Variants in GAK observed in about 807,000 individuals in gnomAD.
GAK encodes the protein cyclin-G-associated kinase.
A neutral mutation model predicts 143.9 loss-of-function variants in GAK; 79 were observed. That is an observed-to-expected ratio of 0.55 (90% CI 0.46 to 0.66). The LOEUF is 0.66. Ranked by LOEUF, GAK falls within the 30% of genes least tolerant of loss-of-function variation. The pLI is 0.00. For missense variants in GAK, 1,693 were observed against 1,779.7 expected, an observed-to-expected ratio of 0.95 and a Z score of 0.88; for synonymous variants, 881 against 765.5, an observed-to-expected ratio of 1.15 and a Z score of -2.49.
chr4:856,525 TCAC>T lies in GAK; in HGVS notation c.3283+3078_3283+3080del, dbSNP rs756370384. On this transcript the variant is annotated intron_variant, in intron 24 of 27. Transcript: ENST00000314167. ...CACCACCACAGCTGCTCACACCTGC[TCAC>T]CACCACAGCTGCTCACACCTGCTCA... Among the ~76,000 whole-genome samples the T allele has an allele frequency of 7.9e-4, 113 of 143,142 alleles. 1 individual carries two copies. The East Asian group carries it at 9.1e-3, about 12-fold the overall frequency. The allele number at this position is 143,142 out of a possible 152,430, so 93.9% of individuals were successfully genotyped here. A position where few individuals can be genotyped will look rare whatever the true frequency, so the allele number is the denominator to read the frequency against.
At chr4:917,684 C>A (rs187831949) in intron 1 of GAK, among the ~76,000 whole-genome samples, 21 of 152,248 alleles carry the variant, frequency 1.4e-4, no homozygotes, top group African/African-American at 4.6e-4. Flanking sequence ...GTGGCGCTGA[C>A]GCACATGTTT....
chr4:853,029 T>C (rs1033309616), intron 24 of GAK: 11 of 151,744 alleles, frequency 7.2e-5, no homozygotes, highest in Admixed American at 2.0e-4. Flanking sequence ...TTTTTGGAGA[T>C]GGTCTCACTA....
chr4:915,195 G>A (rs973285617), intron 1 of GAK, among the ~76,000 whole-genome samples: 17 of 143,228 alleles, frequency 1.2e-4, no homozygotes, highest in African/African-American at 4.2e-4. Context: ...AGCATACACG[G>A]CCCCGTGCAC....
intron 24 of GAK, among the ~76,000 whole-genome samples, chr4:857,447 C>A (rs887242493): frequency 6.6e-6 from 1 of 152,054 alleles, no homozygotes; most frequent in African/African-American, 2.4e-5. Flanking sequence ...CGCAGGTTTC[C>A]TTTTTGGGAA....
chr4:929,147 A>G (rs996282163), intron 1 of GAK, among the ~76,000 whole-genome samples: 1 of 152,110 alleles, frequency 6.6e-6, no homozygotes, highest in Admixed American at 6.5e-5. Flanking sequence ...ACCACACACA[A>G]GTGGCCCTGG....
intron 18 of GAK, among the ~76,000 whole-genome samples, chr4:872,935 C>T (rs62297061): frequency 0.049 from 6,875 of 141,536 alleles, 7 homozygotes; most frequent in South Asian, 0.11. Flanking sequence ...CCAGGCACGG[C>T]GCAGGCTCAC....
intron 24 of GAK, among the ~76,000 whole-genome samples, chr4:858,299 C>A (rs1332652990): frequency 6.6e-6 from 1 of 152,218 alleles, no homozygotes; most frequent in East Asian, 1.9e-4. Context: ...TCAGTTGTAT[C>A]GGCTTTGCTC....
chr4:930,770 G>C (rs1725556993), intron 1 of GAK, among the ~76,000 whole-genome samples: 1 of 152,122 alleles, frequency 6.6e-6, no homozygotes, highest in Non-Finnish European at 1.5e-5. Context: ...TAGACTTTCT[G>C]ACCAAATCAT....
chr4:908,908 C>T (rs1444850651), intron 4 of GAK, among the ~76,000 whole-genome samples: 10 of 152,170 alleles, frequency 6.6e-5, no homozygotes, highest in Non-Finnish European at 1.2e-4. Context: ...ACAAGAGTCT[C>T]GGCTCACTGC....
intron 9 of GAK, 28 bp from the exon 10 acceptor site, chr4:890,650 T>C (rs1162415629): frequency 3.8e-6 from 6 of 1,586,400 alleles, no homozygotes; most frequent in Non-Finnish European, 5.2e-6. Context: ...CAGAGGTCAG[T>C]TCTCTAAACT....
chr4:856,632 C>CCACAGCTGCTCACACCTGCT (rs1560281957), intron 24 of GAK, among the ~76,000 whole-genome samples: 2 of 128,854 alleles, frequency 1.6e-5, no homozygotes, highest in East Asian at 2.4e-4. Context: ...CACCTGCTCA[C>CCACAGCTGCTCACACCTGCT]CACAGCTGCT....
rs187483080 is a variant in GAK at position 870,169 on chromosome 4, G to T, written c.2248+542C>A. On this transcript the variant is annotated intron_variant, in intron 19 of 27. Coordinates refer to ENST00000314167, the MANE Select transcript of GAK (RefSeq NM_005255.4). ...AGGTCACACATACAGCCTCTTTCAGGGACGCTGAAGATGCTCAGAAAGAAA... is the reference window on the plus strand; with the variant it reads ...AGGTCACACATACAGCCTCTTTCAGTGACGCTGAAGATGCTCAGAAAGAAA... 7.2e-5 allele frequency among the ~76,000 whole-genome samples: 11 copies of T among 152,304 alleles called. No homozygotes were observed. In the East Asian group the frequency reaches 1.9e-3, roughly 27 times the overall value.
At chr4:887,228 ACGCGCAC>A (rs1577170954) in intron 11 of GAK, 1 of 123,578 alleles carries the variant, frequency 8.1e-6, no homozygotes, top group East Asian at 2.4e-4. Flanking sequence ...CACGCGGCTC[ACGCGCAC>A]TCACGTGTAC....
Position 861,016 on chromosome 4 carries a change from G to T in GAK, c.3167-1294C>A, listed in dbSNP as rs1225895079. ...TCTGCTTTGGTGATGTGTGTCCCAT[G>T]AGTTGATGCTGCTGCTCTAATTGTT... On this transcript the variant is annotated intron_variant, in intron 23 of 27. Transcript: ENST00000314167. Among the ~76,000 whole-genome samples, 6 of 152,200 alleles carry T rather than the reference G, an allele frequency of 3.9e-5. 1 individual carries two copies. In the South Asian group the frequency reaches 1.0e-3, roughly 26 times the overall value.
At chr4:882,081 T>A (rs772872403) in intron 14 of GAK, 41 bp from the exon 15 acceptor site, 91 of 1,562,994 alleles carry the variant, frequency 5.8e-5, no homozygotes, top group Non-Finnish European at 5.5e-5. Flanking sequence ...CTCGCACTCA[T>A]GCAGGACAAG....
In GAK at chr4:878,027, C is replaced by T. The variant is rs142286973; in HGVS notation, c.1662-218G>A. Among the ~76,000 whole-genome samples, 12 of 151,968 alleles carry T rather than the reference C, an allele frequency of 7.9e-5. No homozygotes were observed. The South Asian group carries it at 1.7e-3, about 21-fold the overall frequency. ...TTTTTAAGACAGAGTCTTAAAAATA[C>T]GCCCTAGTTGAAGATATTTTTAAAT... On this transcript the variant is annotated intron_variant, in intron 15 of 27. Coordinates refer to ENST00000314167, the MANE Select transcript of GAK (RefSeq NM_005255.4).
intron 24 of GAK, among the ~76,000 whole-genome samples, chr4:857,522 G>C (rs1351362467): frequency 6.6e-6 from 1 of 152,114 alleles, no homozygotes; most frequent in Non-Finnish European, 1.5e-5. Context: ...ACTTGATATT[G>C]GGTAAGTTGT....
intron 26 of GAK, chr4:850,528 AC>A (rs1366012737): frequency 1.1e-4 from 20 of 189,106 alleles, no homozygotes; most frequent in Non-Finnish European, 1.3e-4. Context: ...CTGCATCCTC[AC>A]CCCCCAGTGA....
At chr4:860,761 G>A (rs112992333) in intron 23 of GAK, among the ~76,000 whole-genome samples, 44 of 151,788 alleles carry the variant, frequency 2.9e-4, no homozygotes, top group African/African-American at 9.7e-4. Context: ...TCGAGGGGAC[G>A]GGCACCCAGG....
Sources: gnomAD v4.1 joint callset for allele counts (sites outside exome capture counted in the v4.1 genomes callset) on GRCh38, gnomAD v4.1.1 for gene constraint, MANE v1.5 for transcripts, NCBI Gene and HGNC (gene_info 2026-07-23, HGNC 2026-07-21) for gene names.